Variants in CBFA2T2 observed in about 807,000 individuals in gnomAD.
CBFA2T2 encodes the protein protein CBFA2T2.
Under a neutral mutation model 62.2 loss-of-function variants are expected in CBFA2T2, and 11 were observed. The ratio of observed to expected loss-of-function variants is 0.18; its 90% CI spans 0.11 to 0.29. The LOEUF (loss-of-function observed/expected upper bound fraction) is 0.29. CBFA2T2 is among the 10% of genes least tolerant of loss of function. The probability of loss-of-function intolerance (pLI) is 1.00; values close to 1 mark genes in which losing one functional copy is unlikely to be tolerated. For synonymous variants in CBFA2T2, 295 were observed against 287.5 expected, an observed-to-expected ratio of 1.03 and a Z score of -0.27; for missense variants, 592 against 774.1, an observed-to-expected ratio of 0.76 and a Z score of 2.79.
intron 1 of CBFA2T2, among the ~76,000 whole-genome samples, chr20:33,522,117 G>C (rs1306251089): frequency 6.6e-6 from 1 of 152,180 alleles, no homozygotes; most frequent in South Asian, 2.1e-4. Context: ...TTGAAATAGA[G>C]ACTCCAGGGT....
intron 1 of CBFA2T2, among the ~76,000 whole-genome samples, chr20:33,499,681 A>C (rs2011246928): frequency 6.6e-6 from 1 of 152,226 alleles, no homozygotes; most frequent in Non-Finnish European, 1.5e-5. Flanking sequence ...TTTTAAGAAA[A>C]AGTCTTGGCT....
At chr20:33,575,579 A>G (rs2013782267) in intron 1 of CBFA2T2, among the ~76,000 whole-genome samples, 1 of 152,182 alleles carries the variant, frequency 6.6e-6, no homozygotes, top group African/African-American at 2.4e-5. Context: ...AAGAGGAATT[A>G]GGAAAGAGTT....
intron 1 of CBFA2T2, among the ~76,000 whole-genome samples, chr20:33,584,123 A>AT (rs1349104767): frequency 6.6e-6 from 1 of 151,294 alleles, no homozygotes; most frequent in Non-Finnish European, 1.5e-5. Flanking sequence ...AACTTTTTGT[A>AT]TTTTTAGTAG....
At chr20:33,515,740 G>T (rs907672825) in intron 1 of CBFA2T2, among the ~76,000 whole-genome samples, 1 of 134,466 alleles carries the variant, frequency 7.4e-6, no homozygotes. Flanking sequence ...GGCAGAGGTT[G>T]CAGTGAGCCG....
intron 1 of CBFA2T2, among the ~76,000 whole-genome samples, chr20:33,576,741 G>A (rs995876992): frequency 3.9e-5 from 6 of 152,266 alleles, no homozygotes; most frequent in Non-Finnish European, 8.8e-5. Context: ...CTAACAGCTC[G>A]ACATCTGCAG....
At position 33,640,387 on chromosome 20, in the gene CBFA2T2, G is replaced by A; in HGVS notation, c.1344G>A (p.Gln448=). 4 of 1,614,218 alleles carry A rather than the reference G, an allele frequency of 2.5e-6. No homozygotes were observed. Among genetic ancestry groups the A allele is most frequent in the Non-Finnish European group, 3.4e-6 (4 of 1,180,028 alleles). ...AAATTCAGGCCATGTCAGAAGTACA[G>A]AAGGCCGTCGCTGAGGCAGAGCAGA... ...KVKIQAMSEV[Q]KAVAEAEQKA... is the part of the protein sequence containing the mutation. The change falls in exon 10 of 11, where the codon CAG becomes CAA. Residue 448 remains glutamine, a synonymous_variant. Coordinates refer to ENST00000342704, the MANE Select transcript of CBFA2T2 (RefSeq NM_001032999.3).
intron 1 of CBFA2T2, among the ~76,000 whole-genome samples, chr20:33,511,745 A>C (rs1248101714): frequency 6.6e-6 from 1 of 152,194 alleles, no homozygotes; most frequent in Non-Finnish European, 1.5e-5. Context: ...GCATTAGGGC[A>C]TGGTGGTGCA....
chr20:33,634,294 T>C (rs190084130), intron 8 of CBFA2T2, among the ~76,000 whole-genome samples: 1 of 152,310 alleles, frequency 6.6e-6, no homozygotes, highest in African/African-American at 2.4e-5. Flanking sequence ...AAAAGAATAC[T>C]TAATCAGCTA....
intron 1 of CBFA2T2, among the ~76,000 whole-genome samples, chr20:33,556,582 T>C (rs2012902025): frequency 6.6e-6 from 1 of 152,142 alleles, no homozygotes; most frequent in Non-Finnish European, 1.5e-5. Context: ...CATCTAGTGG[T>C]GATTTTCTTT....
chr20:33,644,239 C>T lies in CBFA2T2; in HGVS notation c.1489-108C>T, dbSNP rs1188044377. ...AGTTGACCACAGGTGTATGTAGTTC[C>T]AAAGCTGGGGTTCTCTACATACAGC... is the stretch of plus-strand genomic sequence containing the variant. On this transcript the variant is annotated intron_variant, in intron 10 of 10. Transcript: ENST00000342704. The T allele has an allele frequency of 1.0e-5, 13 of 1,285,512 alleles. No individual in the cohort carries two copies. In the East Asian group the frequency reaches 2.6e-4, roughly 26 times the overall value. The allele number at this position is 1,285,512 out of a possible 1,614,324, so 79.6% of individuals were successfully genotyped here. A position where few individuals can be genotyped will look rare whatever the true frequency, so the allele number is the denominator to read the frequency against.
intron 1 of CBFA2T2, among the ~76,000 whole-genome samples, chr20:33,524,669 G>A (rs921199645): frequency 5.3e-5 from 8 of 152,168 alleles, no homozygotes; most frequent in African/African-American, 1.7e-4. Context: ...CTTAATAGGA[G>A]AAAGGTATAC....
At chr20:33,623,874 A>G (rs1391575828) in intron 5 of CBFA2T2, 1 of 717,326 alleles carries the variant, frequency 1.4e-6, no homozygotes, top group Non-Finnish European at 2.6e-6. Flanking sequence ...TCTACTCTAG[A>G]GAATTTATGG....
At chr20:33,539,008 A>G (rs976247745) in intron 1 of CBFA2T2, among the ~76,000 whole-genome samples, 13 of 152,336 alleles carry the variant, frequency 8.5e-5, no homozygotes, top group East Asian at 1.9e-4. Context: ...ATTGGGATCA[A>G]ATATTTCTTC....
At chr20:33,623,696 A>G (rs1397184575) in intron 5 of CBFA2T2, 5 of 662,678 alleles carry the variant, frequency 7.5e-6, no homozygotes, top group South Asian at 5.3e-5. Flanking sequence ...TGCTGGGATT[A>G]TATGGATGTG....
At chr20:33,546,595 C>T (rs1483655374) in intron 1 of CBFA2T2, among the ~76,000 whole-genome samples, 2 of 151,708 alleles carry the variant, frequency 1.3e-5, no homozygotes, top group African/African-American at 2.4e-5. Context: ...GCACCTGCCA[C>T]CATGCCTGGC....
rs756491939 is a variant in CBFA2T2 at position 33,497,547 on chromosome 20, CTT to C, written c.34+7266_34+7267del. Reference sequence around the variant, plus strand: ...CATGACTGTGTTTGAAGCTTGTATACTTTTTTTTTTTTTTTTTTTTTGAGAAG... The same window carrying C: ...CATGACTGTGTTTGAAGCTTGTATACTTTTTTTTTTTTTTTTTTTGAGAAG... On this transcript the variant is annotated intron_variant, in intron 1 of 10. Transcript: ENST00000342704. 4.4e-3 allele frequency among the ~76,000 whole-genome samples: 506 copies of C among 114,624 alleles called. 1 individual carries two copies. Among genetic ancestry groups the C allele is most frequent in the African/African-American group, 0.016 (466 of 29,138 alleles). The allele number at this position is 114,624 out of a possible 152,430, so 75.2% of individuals were successfully genotyped here.
At chr20:33,533,462 A>G (rs895226289) in intron 1 of CBFA2T2, among the ~76,000 whole-genome samples, 4 of 152,182 alleles carry the variant, frequency 2.6e-5, no homozygotes, top group African/African-American at 9.7e-5. Context: ...TTCATCCAGC[A>G]TAATTATTTT....
chr20:33,494,232 C>CGCATATATATAT (rs1319088292), intron 1 of CBFA2T2, among the ~76,000 whole-genome samples: 3 of 60,024 alleles, frequency 5.0e-5, no homozygotes, highest in African/African-American at 1.8e-4. Flanking sequence ...ATGTATTAGG[C>CGCATATATATAT]ATATATATGT....
intron 1 of CBFA2T2, among the ~76,000 whole-genome samples, chr20:33,494,271 ATATTTTT>A (rs1264825082): frequency 1.4e-4 from 3 of 21,068 alleles, no homozygotes; most frequent in African/African-American, 1.5e-4. Context: ...ATATATATAT[ATATTTTT>A]TTTTTTTTTT....
Sources: allele counts gnomAD v4.1 joint callset (sites outside exome capture counted in the v4.1 genomes callset), GRCh38; gene constraint gnomAD v4.1.1; transcripts MANE v1.5; gene names NCBI Gene and HGNC (gene_info 2026-07-23, HGNC 2026-07-21).